The following TLN2 variants were observed in gnomAD, a reference collection of about 807,000 sequenced individuals.
The protein encoded by TLN2 is talin-2.
A neutral mutation model predicts 294.7 loss-of-function variants in TLN2; 118 were observed. That is an observed-to-expected ratio of 0.40 (90% confidence interval 0.34 to 0.47). The LOEUF (loss-of-function observed/expected upper bound fraction) is 0.47. Among genes scored for constraint, TLN2 ranks in the 20% least tolerant of loss-of-function variants. TLN2 has a pLI of 0.84. For missense variants in TLN2, 3,083 were observed against 3,282.2 expected, an observed-to-expected ratio of 0.94 and a Z score of 1.48; for synonymous variants, 1,431 against 1,304.5, an observed-to-expected ratio of 1.10 and a Z score of -2.09.
In TLN2 at chr15:62,841,504, G is replaced by A. The variant is rs548792323; in HGVS notation, c.*894G>A. 5 of 152,124 alleles carry A rather than the reference G, an allele frequency of 3.3e-5. No homozygotes were observed. The highest frequency in any genetic ancestry group is 7.3e-5 in the Non-Finnish European group (5 of 68,042). 9.4% of individuals were successfully genotyped at this position (152,124 alleles called of 1,614,324 possible). A position where few individuals can be genotyped will look rare whatever the true frequency, so the allele number is the denominator to read the frequency against. On this transcript the variant is annotated 3_prime_UTR_variant, in exon 59 of 59. Transcript: ENST00000636159. Reference sequence around the variant, plus strand: ...GTGACTCATCTTTAGGTCCCACGCTGGTTTCTGTGCCTTCAGAATGGTCAC... The same window carrying A: ...GTGACTCATCTTTAGGTCCCACGCTAGTTTCTGTGCCTTCAGAATGGTCAC...
intron 1 of TLN2, among the ~76,000 whole-genome samples, chr15:62,558,457 G>A (rs2042727787): frequency 6.6e-6 from 1 of 152,072 alleles, no homozygotes; most frequent in South Asian, 2.1e-4. Flanking sequence ...AGTTCCTATA[G>A]AAGAAGAAAA....
intron 28 of TLN2, among the ~76,000 whole-genome samples, chr15:62,733,112 C>A (rs1024593298): frequency 6.6e-6 from 1 of 152,016 alleles, no homozygotes; most frequent in Admixed American, 6.6e-5. Flanking sequence ...TCCTGAAGAA[C>A]CTGGCTGGTT....
intron 1 of TLN2, among the ~76,000 whole-genome samples, chr15:62,519,811 GGAAAATAT>G (rs2040368840): frequency 2.0e-5 from 3 of 152,160 alleles, no homozygotes; most frequent in African/African-American, 7.2e-5. Flanking sequence ...TGTATTTCTA[GGAAAATAT>G]TCCTGAAACT....
At chr15:62,433,416 G>T (rs2035121012) in intron 1 of TLN2, among the ~76,000 whole-genome samples, 1 of 152,064 alleles carries the variant, frequency 6.6e-6, no homozygotes, top group Non-Finnish European at 1.5e-5. Flanking sequence ...AGAACCAGAG[G>T]ACAAATCCCT....
At chr15:62,438,540 C>T (rs1480998506) in intron 1 of TLN2, among the ~76,000 whole-genome samples, 2 of 152,130 alleles carry the variant, frequency 1.3e-5, no homozygotes, top group Admixed American at 1.3e-4. Context: ...TTTATTTATC[C>T]CATACAGTTC....
At chr15:62,735,500 C>T (rs184532059) in intron 28 of TLN2, among the ~76,000 whole-genome samples, 7 of 152,266 alleles carry the variant, frequency 4.6e-5, no homozygotes, top group Non-Finnish European at 1.0e-4. Flanking sequence ...CATCATTACC[C>T]ATTAAGGACA....
intron 26 of TLN2, among the ~76,000 whole-genome samples, chr15:62,723,216 T>C (rs964850530): frequency 7.2e-5 from 11 of 152,336 alleles, no homozygotes; most frequent in African/African-American, 2.6e-4. Flanking sequence ...AATGCTACAC[T>C]GCCAAATAAA....
intron 5 of TLN2, 36 bp from the exon 6 acceptor site, chr15:62,651,969 A>G: frequency 1.3e-6 from 2 of 1,536,838 alleles, no homozygotes; most frequent in Non-Finnish European, 1.8e-6. Context: ...TATTTTCCCC[A>G]CACAGTGTGA....
intron 3 of TLN2, among the ~76,000 whole-genome samples, chr15:62,633,538 C>T (rs1158065448): frequency 6.6e-6 from 1 of 152,198 alleles, no homozygotes; most frequent in African/African-American, 2.4e-5. Context: ...CTCCTGGACT[C>T]AAGCAATCCT....
At chr15:62,574,510 G>T (rs190051131) in intron 1 of TLN2, among the ~76,000 whole-genome samples, 291 of 134,340 alleles carry the variant, frequency 2.2e-3, no homozygotes, top group Non-Finnish European at 3.3e-3. Flanking sequence ...GAGCCCAGGT[G>T]TTTGTGGTTA....
At chr15:62,810,334 C>T (rs1300085414) in intron 52 of TLN2, among the ~76,000 whole-genome samples, 1 of 152,118 alleles carries the variant, frequency 6.6e-6, no homozygotes, top group East Asian at 1.9e-4. Context: ...AGTGGGCGGG[C>T]GGCCAGTGCC....
At chr15:62,731,761 C>T (rs967439042) in intron 28 of TLN2, among the ~76,000 whole-genome samples, 3 of 152,136 alleles carry the variant, frequency 2.0e-5, no homozygotes, top group Non-Finnish European at 4.4e-5. Flanking sequence ...CCCTCTTTAC[C>T]TTGGTGCCTT....
intron 2 of TLN2, among the ~76,000 whole-genome samples, chr15:62,595,710 C>G (rs940191936): frequency 4.6e-5 from 7 of 152,148 alleles, no homozygotes; most frequent in African/African-American, 7.2e-5. Context: ...TATACATACA[C>G]AGTGAAATAC....
chr15:62,486,810 G>T (rs1595913604), intron 1 of TLN2, among the ~76,000 whole-genome samples: 2 of 141,250 alleles, frequency 1.4e-5, no homozygotes, highest in East Asian at 2.1e-4. Flanking sequence ...GGTTTGCAAG[G>T]TTTTTTTTTT....
At chr15:62,450,620 G>C (rs2036078612) in intron 1 of TLN2, among the ~76,000 whole-genome samples, 1 of 151,932 alleles carries the variant, frequency 6.6e-6, no homozygotes, top group Non-Finnish European at 1.5e-5. Context: ...TGACATCTGG[G>C]CTGGAGTGCG....
intron 1 of TLN2, among the ~76,000 whole-genome samples, chr15:62,529,473 T>G (rs1409720683): frequency 1.3e-5 from 2 of 151,542 alleles, no homozygotes; most frequent in Non-Finnish European, 2.9e-5. Context: ...TACACTCAGG[T>G]GGTCTCTCGT....
intron 20 of TLN2, among the ~76,000 whole-genome samples, chr15:62,707,793 A>G (rs2059161206): frequency 2.0e-5 from 3 of 152,118 alleles, no homozygotes; most frequent in South Asian, 4.2e-4. Context: ...GGTTAAGGCC[A>G]CAGAAGTAGT....
rs1325518343 is a variant in TLN2, at chr15:62,840,673, C to T, written c.*63C>T. ...CTGGCTGAACTGGACAGACAGTGTTCCTGAGAGGCTGGGCACTTAGCTGGA... is the reference window on the plus strand; with the variant it reads ...CTGGCTGAACTGGACAGACAGTGTTTCTGAGAGGCTGGGCACTTAGCTGGA... On this transcript the variant is annotated 3_prime_UTR_variant, in exon 59 of 59. Coordinates refer to ENST00000636159, the MANE Select transcript of TLN2 (RefSeq NM_015059.3). 1 of 1,562,514 alleles carries T rather than the reference C, an allele frequency of 6.4e-7. No individual in the cohort carries two copies. The highest frequency in any genetic ancestry group is 1.4e-5 in the African/African-American group (1 of 72,800).
chr15:62,457,276 G>A (rs564875409), intron 1 of TLN2, among the ~76,000 whole-genome samples: 15 of 152,322 alleles, frequency 9.8e-5, no homozygotes, highest in South Asian at 2.1e-4. Flanking sequence ...GCGTGCGAGC[G>A]TGCATGCACA....
Sources: allele counts gnomAD v4.1 joint callset (sites outside exome capture counted in the v4.1 genomes callset), GRCh38; gene constraint gnomAD v4.1.1; transcripts MANE v1.5; gene names NCBI Gene and HGNC (gene_info 2026-07-23, HGNC 2026-07-21).